PRMT8: variants seen among roughly 807,000 people sequenced by gnomAD.
PRMT8 encodes the protein protein arginine N-methyltransferase 8.
In PRMT8, 7 loss-of-function variants were observed where a neutral mutation model predicts 47.1. The ratio of observed to expected loss-of-function variants is 0.15; its 90% CI spans 0.08 to 0.28. The LOEUF is 0.28. PRMT8 is among the 10% of genes least tolerant of loss of function. The pLI is 1.00. For synonymous variants in PRMT8, 188 were observed against 186.5 expected (o/e 1.01, Z -0.07); for missense variants, 237 against 505.4 (o/e 0.47, Z 5.09).
intron 1 of PRMT8, among the ~76,000 whole-genome samples, chr12:3,425,373 C>A (rs1310615200): frequency 6.6e-6 from 1 of 152,274 alleles, no homozygotes; most frequent in Non-Finnish European, 1.5e-5. Flanking sequence ...CCCTTAGAAA[C>A]CCCGTCTAGT....
intron 1 of PRMT8, among the ~76,000 whole-genome samples, chr12:3,471,236 A>G (rs1458826797): frequency 6.6e-6 from 1 of 151,978 alleles, no homozygotes; most frequent in Non-Finnish European, 1.5e-5. Flanking sequence ...GAGAGGGGCA[A>G]GGTGGAATGA....
intron 1 of PRMT8, among the ~76,000 whole-genome samples, chr12:3,536,260 G>A (rs1866116408): frequency 6.6e-6 from 1 of 152,238 alleles, no homozygotes; most frequent in South Asian, 2.1e-4. Flanking sequence ...CCTTCAGGGA[G>A]AGGGTATGCC....
chr12:3,468,674 G>A (rs548079963), intron 1 of PRMT8, among the ~76,000 whole-genome samples: 1 of 152,354 alleles, frequency 6.6e-6, no homozygotes, highest in South Asian at 2.1e-4. Flanking sequence ...CAATGGAGAT[G>A]AAATGAATGA....
intron 1 of PRMT8, among the ~76,000 whole-genome samples, chr12:3,425,505 G>A (rs1864594613): frequency 6.6e-6 from 1 of 152,230 alleles, no homozygotes; most frequent in Non-Finnish European, 1.5e-5. Flanking sequence ...GTCAGGTCAG[G>A]TAGCCCCAGG....
At chr12:3,427,847 C>A (rs1335812697) in intron 1 of PRMT8, among the ~76,000 whole-genome samples, 2 of 151,500 alleles carry the variant, frequency 1.3e-5, no homozygotes, top group Non-Finnish European at 2.9e-5. Flanking sequence ...TCCCTTTTTT[C>A]GAAGATAATC....
intron 1 of PRMT8, 39 bp downstream of exon 1, chr12:3,491,739 C>T (rs762180014): frequency 2.2e-5 from 34 of 1,577,216 alleles, no homozygotes; most frequent in Non-Finnish European, 2.8e-5. Context: ...GGAGACCCCG[C>T]CGCCCACCCG....
At chr12:3,387,043 G>C (rs1163019424) in intron 1 of PRMT8, among the ~76,000 whole-genome samples, 1 of 152,064 alleles carries the variant, frequency 6.6e-6, no homozygotes, top group Non-Finnish European at 1.5e-5. Flanking sequence ...CCTCCAATAG[G>C]CTATGAGCCC....
chr12:3,526,932 A>G (rs1173911409), intron 1 of PRMT8, among the ~76,000 whole-genome samples: 1 of 152,196 alleles, frequency 6.6e-6, no homozygotes, highest in Non-Finnish European at 1.5e-5. Flanking sequence ...CTAAAGTGAT[A>G]ACCTCTAACC....
intron 1 of PRMT8, chr12:3,463,651 T>C (rs952618424): frequency 3.9e-5 from 6 of 152,322 alleles, no homozygotes; most frequent in Admixed American, 2.0e-4. Context: ...TGGAGTGCAG[T>C]GGTGTTGAGG....
At chr12:3,396,046 T>A (rs1864245563) in intron 1 of PRMT8, among the ~76,000 whole-genome samples, 1 of 152,134 alleles carries the variant, frequency 6.6e-6, no homozygotes, top group Non-Finnish European at 1.5e-5. Flanking sequence ...CCTGCCTTTT[T>A]TCGTTTTCCA....
chr12:3,407,332 T>C (rs1864382698), intron 1 of PRMT8, among the ~76,000 whole-genome samples: 1 of 151,904 alleles, frequency 6.6e-6, no homozygotes, highest in Non-Finnish European at 1.5e-5. Context: ...GAAGGATAGC[T>C]TTATTGGGTA....
chr12:3,505,696 C>T (rs541563730), intron 1 of PRMT8, among the ~76,000 whole-genome samples: 1 of 152,316 alleles, frequency 6.6e-6, no homozygotes, highest in South Asian at 2.1e-4. Flanking sequence ...CAGTAAGTAG[C>T]AGAGCTGGAA....
At chr12:3,485,173 C>G (rs1233903378) in intron 1 of PRMT8, among the ~76,000 whole-genome samples, 1 of 152,224 alleles carries the variant, frequency 6.6e-6, no homozygotes, top group Non-Finnish European at 1.5e-5. Flanking sequence ...TGGAAGTGAT[C>G]TGTTCTCTGT....
chr12:3,398,906 C>T (rs1208895925), intron 1 of PRMT8, among the ~76,000 whole-genome samples: 57 of 152,170 alleles, frequency 3.7e-4, no homozygotes, highest in Non-Finnish European at 1.0e-4. Context: ...TGGGGCTGCT[C>T]ATGGTGTGGG....
At chr12:3,553,486 G>GT in intron 3 of PRMT8, 165 bp from the exon 4 acceptor site, 1 of 647,294 alleles carries the variant, frequency 1.5e-6, no homozygotes, top group South Asian at 1.9e-5. Context: ...TGGCCTTGAG[G>GT]TGGGGGGGCT....
chr12:3,525,321 C>G (rs1368253432), intron 1 of PRMT8, among the ~76,000 whole-genome samples: 1 of 152,108 alleles, frequency 6.6e-6, no homozygotes, highest in Non-Finnish European at 1.5e-5. Context: ...GAATAAAGAT[C>G]AGGGTGACAG....
intron 1 of PRMT8, among the ~76,000 whole-genome samples, chr12:3,384,897 C>T (rs1864125040): frequency 1.4e-5 from 2 of 147,886 alleles, no homozygotes; most frequent in Non-Finnish European, 3.0e-5. Context: ...TATTAAGTGA[C>T]AGTGGAGCCC....
At chr12:3,563,503 A>C (rs1271015824) in intron 4 of PRMT8, among the ~76,000 whole-genome samples, 1 of 152,012 alleles carries the variant, frequency 6.6e-6, no homozygotes, top group Non-Finnish European at 1.5e-5. Context: ...CCCACCATTC[A>C]TGGAGGGTAG....
intron 1 of PRMT8, 136 bp downstream of exon 1, chr12:3,491,836 G>A: frequency 2.1e-5 from 1 of 46,526 alleles, no homozygotes; most frequent in South Asian, 1.4e-3. Context: ...CTCCTCCTGT[G>A]TGTGTGTGTG....
Sources: allele counts gnomAD v4.1 joint callset (sites outside exome capture counted in the v4.1 genomes callset), GRCh38; gene constraint gnomAD v4.1.1; transcripts MANE v1.5; gene names NCBI Gene and HGNC (gene_info 2026-07-23, HGNC 2026-07-21).